MAGI2: variants seen among roughly 807,000 people sequenced by gnomAD.
The protein encoded by MAGI2 is membrane associated guanylate kinase, WW and PDZ domain containing 2.
In MAGI2, 35 loss-of-function variants were observed where a neutral mutation model predicts 133.3. The observed-to-expected ratio is 0.26, with a 90% confidence interval of 0.20 to 0.35. MAGI2 has a LOEUF of 0.35. MAGI2 is among the 10% of genes least tolerant of loss of function. MAGI2 has a pLI of 1.00. For missense variants in MAGI2, 1,636 were observed against 1,863.4 expected, an observed-to-expected ratio of 0.88 and a Z score of 2.25; for synonymous variants, 729 against 710.6, an observed-to-expected ratio of 1.03 and a Z score of -0.41.
At chr7:78,865,178 T>C (rs552220354) in intron 2 of MAGI2, among the ~76,000 whole-genome samples, 6 of 152,338 alleles carry the variant, frequency 3.9e-5, no homozygotes, top group African/African-American at 1.2e-4. Flanking sequence ...TAATCTCATC[T>C]TTTAGTTAAA....
intron 6 of MAGI2, among the ~76,000 whole-genome samples, chr7:78,423,551 G>A (rs779374931): frequency 2.0e-5 from 3 of 152,178 alleles, no homozygotes; most frequent in Non-Finnish European, 4.4e-5. Flanking sequence ...GCAGAGGTTG[G>A]AACAGTTTGG....
intron 1 of MAGI2, among the ~76,000 whole-genome samples, chr7:79,261,302 T>G (rs1834072330): frequency 6.6e-6 from 1 of 152,146 alleles, no homozygotes; most frequent in Non-Finnish European, 1.5e-5. Flanking sequence ...CACACCAGGG[T>G]TTCCCCTGGG....
At chr7:79,152,119 G>T (rs955789535) in intron 1 of MAGI2, among the ~76,000 whole-genome samples, 2 of 152,180 alleles carry the variant, frequency 1.3e-5, no homozygotes, top group Non-Finnish European at 2.9e-5. Flanking sequence ...AAGAGAAAAG[G>T]AATTATAGGG....
chr7:78,837,705 T>G (rs1298412419), intron 2 of MAGI2, among the ~76,000 whole-genome samples: 2 of 152,150 alleles, frequency 1.3e-5, no homozygotes, highest in Non-Finnish European at 2.9e-5. Context: ...ACACTTAAAT[T>G]TTATCAATGG....
intron 2 of MAGI2, among the ~76,000 whole-genome samples, chr7:78,632,076 C>T (rs1483001390): frequency 1.3e-5 from 2 of 152,090 alleles, no homozygotes; most frequent in Admixed American, 1.3e-4. Flanking sequence ...CCTCGAAGAG[C>T]AGAAATGATT....
chr7:78,146,155 G>C (rs1823288173), intron 16 of MAGI2, among the ~76,000 whole-genome samples: 2 of 150,824 alleles, frequency 1.3e-5, no homozygotes, highest in Non-Finnish European at 3.0e-5. Flanking sequence ...ATTCCATTCT[G>C]TCCCGAGTAT....
At chr7:78,774,975 G>T (rs887228476) in intron 2 of MAGI2, among the ~76,000 whole-genome samples, 2 of 152,046 alleles carry the variant, frequency 1.3e-5, no homozygotes, top group Admixed American at 6.5e-5. Flanking sequence ...GTCAGTAGAG[G>T]ATATATATTT....
intron 9 of MAGI2, among the ~76,000 whole-genome samples, chr7:78,342,822 T>G (rs1790528613): frequency 6.6e-6 from 1 of 151,836 alleles, no homozygotes. Context: ...GATGGGGGGA[T>G]AGGGGAGGGA....
At chr7:79,191,844 C>T (rs896450244) in intron 1 of MAGI2, among the ~76,000 whole-genome samples, 7 of 151,680 alleles carry the variant, frequency 4.6e-5, no homozygotes, top group Non-Finnish European at 8.8e-5. Context: ...TATTAAATTA[C>T]CTTTTTTTAA....
intron 1 of MAGI2, chr7:79,414,242 C>T (rs1409374849): frequency 6.6e-6 from 1 of 152,200 alleles, no homozygotes; most frequent in African/African-American, 2.4e-5. Context: ...ACATATTTCA[C>T]TGATGGATCA....
Position 78,845,690 on chromosome 7 carries a change from A to G in MAGI2, c.418+161400T>C, listed in dbSNP as rs138239711. Among the ~76,000 whole-genome samples the G allele has an allele frequency of 7.9e-3, 1,199 of 152,128 alleles. 20 individuals are homozygous for G. The highest frequency in any genetic ancestry group is 0.027 in the African/African-American group (1,132 of 41,550). ...ATGTGAAATGTCAAAGGGAATGGAT[A>G]GAAAAATCTTTGATCAACCTGTTGT... is the stretch of plus-strand genomic sequence containing the variant. On this transcript the variant is annotated intron_variant, in intron 2 of 21. Transcript: ENST00000354212.
intron 1 of MAGI2, among the ~76,000 whole-genome samples, chr7:79,296,405 T>C (rs1836932256): frequency 6.6e-6 from 1 of 152,222 alleles, no homozygotes; most frequent in Admixed American, 6.5e-5. Flanking sequence ...TGTGGCACTA[T>C]TCATAATAGC....
chr7:79,094,709 C>T (rs1817369768), intron 1 of MAGI2, among the ~76,000 whole-genome samples: 1 of 152,190 alleles, frequency 6.6e-6, no homozygotes, highest in Admixed American at 6.5e-5. Context: ...CATTAATCTC[C>T]TTGTACATCT....
intron 2 of MAGI2, among the ~76,000 whole-genome samples, chr7:78,827,855 T>C (rs750712298): frequency 6.6e-6 from 1 of 152,146 alleles, no homozygotes; most frequent in Non-Finnish European, 1.5e-5. Context: ...ATATCACCCT[T>C]GAGGAGGTGA....
intron 1 of MAGI2, among the ~76,000 whole-genome samples, chr7:79,296,766 G>A (rs1473224757): frequency 3.3e-5 from 5 of 151,972 alleles, no homozygotes; most frequent in Non-Finnish European, 5.9e-5. Flanking sequence ...TTGGGCAATG[G>A]GCATAAAGTT....
rs141812833 is a variant in MAGI2 at position 78,203,563 on chromosome 7, C to T, written c.2048-2370G>A. 7.2e-5 allele frequency among the ~76,000 whole-genome samples: 11 copies of T among 152,300 alleles called. No homozygotes were observed. In the East Asian group the frequency reaches 9.6e-4, roughly 13 times the overall value. ...CAACCCAGGGCTCCTTTACTGCTCA[C>T]GTGATGGCAGTTTCTGGAATATTTC... On this transcript the variant is annotated intron_variant, in intron 10 of 21. Coordinates refer to ENST00000354212, the MANE Select transcript of MAGI2 (RefSeq NM_012301.4).
chr7:78,838,012 T>C (rs182482301), intron 2 of MAGI2, among the ~76,000 whole-genome samples: 1 of 152,266 alleles, frequency 6.6e-6, no homozygotes, highest in African/African-American at 2.4e-5. Context: ...GCACAATCAC[T>C]CAGGTCTCTT....
intron 9 of MAGI2, among the ~76,000 whole-genome samples, chr7:78,340,912 T>A (rs1212549052): frequency 6.6e-6 from 1 of 152,112 alleles, no homozygotes; most frequent in Non-Finnish European, 1.5e-5. Flanking sequence ...AAGGATACCC[T>A]CTCTCACCAC....
At chr7:78,945,925 A>G (rs760039593) in intron 2 of MAGI2, among the ~76,000 whole-genome samples, 3 of 152,298 alleles carry the variant, frequency 2.0e-5, no homozygotes, top group South Asian at 4.1e-4. Flanking sequence ...CATTTCCATG[A>G]CATTTTGTGC....
Sources: gnomAD v4.1 joint callset for allele counts (sites outside exome capture counted in the v4.1 genomes callset) on GRCh38, gnomAD v4.1.1 for gene constraint, MANE v1.5 for transcripts, NCBI Gene and HGNC (gene_info 2026-07-23, HGNC 2026-07-21) for gene names.